The following NOX4 variants were observed in gnomAD, a reference collection of about 807,000 sequenced individuals.
The protein encoded by NOX4 is kidney oxidase-1.
In NOX4, 69 loss-of-function variants were observed where a neutral mutation model predicts 87.6. The observed-to-expected ratio is 0.79, with a 90% CI of 0.65 to 0.96. The LOEUF (loss-of-function observed/expected upper bound fraction) is 0.96, where lower values mean the gene tolerates loss of function less well. Among genes scored for constraint, NOX4 ranks in the 40% least tolerant of loss-of-function variants. The pLI is 0.00. For missense variants in NOX4, 680 were observed against 681.5 expected (o/e 1.00, Z 0.02); for synonymous variants, 275 against 238.2 (o/e 1.15, Z -1.42).
At chr11:89,457,346 C>T (rs1945253023) in intron 2 of NOX4, among the ~76,000 whole-genome samples, 1 of 152,214 alleles carries the variant, frequency 6.6e-6, no homozygotes. Context: ...TCTGCCACCG[C>T]CCTGCACCAG....
chr11:89,395,423 A>C (rs191555144), intron 11 of NOX4, among the ~76,000 whole-genome samples: 375 of 152,244 alleles, frequency 2.5e-3, no homozygotes, highest in African/African-American at 8.9e-3. Context: ...AGATTGGTAG[A>C]TTGCAAAAAT....
chr11:89,403,709 C>T (rs775638006), intron 8 of NOX4, among the ~76,000 whole-genome samples: 3 of 152,132 alleles, frequency 2.0e-5, no homozygotes, highest in Non-Finnish European at 4.4e-5. Flanking sequence ...CACCATTGCA[C>T]TCCAGCCTGG....
At chr11:89,345,110 T>C (rs1218563400) in intron 13 of NOX4, among the ~76,000 whole-genome samples, 1 of 152,128 alleles carries the variant, frequency 6.6e-6, no homozygotes, top group Non-Finnish European at 1.5e-5. Flanking sequence ...GGTTCTCCCT[T>C]GATAGCTTTC....
chr11:89,439,551 A>C (rs1485080373), intron 6 of NOX4, among the ~76,000 whole-genome samples: 1 of 152,186 alleles, frequency 6.6e-6, no homozygotes, highest in Non-Finnish European at 1.5e-5. Context: ...TGCATTTGCC[A>C]GGGTAATGTG....
At chr11:89,438,637 T>C (rs1229031529) in intron 6 of NOX4, among the ~76,000 whole-genome samples, 1 of 81,102 alleles carries the variant, frequency 1.2e-5, no homozygotes, top group African/African-American at 5.1e-5. Flanking sequence ...ATATACTATA[T>C]ATAATACTCT....
chr11:89,564,129 T>C, the NOX4 span, among the ~76,000 whole-genome samples: 1 of 152,268 alleles, frequency 6.6e-6, no homozygotes, highest in East Asian at 1.9e-4. Context: ...TATGATAGAA[T>C]GCACCGCATG....
the NOX4 span, among the ~76,000 whole-genome samples, chr11:89,509,827 T>C: frequency 6.6e-6 from 1 of 151,954 alleles, no homozygotes; most frequent in African/African-American, 2.4e-5. Context: ...TGTCCACTGA[T>C]TGTAATCAAC....
In NOX4 at chr11:89,387,569, T is replaced by C. The variant is rs145030386; in HGVS notation, c.1074+12448A>G. Reference sequence around the variant, plus strand: ...AGGGACGCATGTGACAGTTTGTTCCTGAATAAAAATAATAACAGAAGAATA... The same window carrying C: ...AGGGACGCATGTGACAGTTTGTTCCCGAATAAAAATAATAACAGAAGAATA... On this transcript the variant is annotated intron_variant, in intron 11 of 17. Coordinates refer to ENST00000263317, the MANE Select transcript of NOX4 (RefSeq NM_016931.5). Among the ~76,000 whole-genome samples the C allele has an allele frequency of 6.8e-4, 104 of 152,260 alleles. 1 individual carries two copies. In the East Asian group the frequency reaches 0.016, roughly 23 times the overall value.
the NOX4 span, among the ~76,000 whole-genome samples, chr11:89,559,598 C>G: frequency 6.6e-6 from 1 of 152,014 alleles, no homozygotes; most frequent in Non-Finnish European, 1.5e-5. Context: ...TGCAAATAAT[C>G]TAAAGAGTAT....
At chr11:89,371,997 T>A (rs1939480848) in intron 12 of NOX4, among the ~76,000 whole-genome samples, 1 of 152,030 alleles carries the variant, frequency 6.6e-6, no homozygotes, top group East Asian at 1.9e-4. Context: ...CAATATTATT[T>A]TTTTTAACTC....
chr11:89,395,979 C>A (rs1941456709), intron 11 of NOX4, among the ~76,000 whole-genome samples: 1 of 152,152 alleles, frequency 6.6e-6, no homozygotes, highest in African/African-American at 2.4e-5. Flanking sequence ...ATTGTCTTGG[C>A]AATACAGGCT....
At chr11:89,441,180 G>T (rs1031710119) in intron 5 of NOX4, among the ~76,000 whole-genome samples, 3 of 152,154 alleles carry the variant, frequency 2.0e-5, no homozygotes, top group African/African-American at 7.2e-5. Flanking sequence ...GTACGAAGAA[G>T]ACTAATTGAG....
At chr11:89,367,220 T>C (rs927103220) in intron 12 of NOX4, among the ~76,000 whole-genome samples, 6 of 152,184 alleles carry the variant, frequency 3.9e-5, no homozygotes, top group African/African-American at 1.2e-4. Context: ...ATCCTCATCC[T>C]GACACAGATC....
chr11:89,516,090 A>G, the NOX4 span, among the ~76,000 whole-genome samples: 35 of 151,958 alleles, frequency 2.3e-4, no homozygotes, highest in South Asian at 7.3e-3. Context: ...AATGTTCTTT[A>G]TTAATTTCTT....
At chr11:89,471,863 T>A (rs993813082) in intron 2 of NOX4, among the ~76,000 whole-genome samples, 1 of 152,202 alleles carries the variant, frequency 6.6e-6, no homozygotes, top group African/African-American at 2.4e-5. Flanking sequence ...TGCCTCAGCC[T>A]ACTGAGTAAC....
intron 12 of NOX4, among the ~76,000 whole-genome samples, chr11:89,358,141 T>G (rs1237151806): frequency 6.6e-6 from 1 of 151,894 alleles, no homozygotes; most frequent in East Asian, 1.9e-4. Context: ...TCCCAGCACT[T>G]TGGGAGGCTG....
intron 8 of NOX4, among the ~76,000 whole-genome samples, chr11:89,410,301 T>A (rs1432769058): frequency 6.6e-6 from 1 of 152,192 alleles, no homozygotes; most frequent in Non-Finnish European, 1.5e-5. Context: ...CAAGTTATAG[T>A]TAAACAAATT....
At chr11:89,450,321 A>G (rs1944902093) in intron 3 of NOX4, among the ~76,000 whole-genome samples, 1 of 152,206 alleles carries the variant, frequency 6.6e-6, no homozygotes, top group South Asian at 2.1e-4. Context: ...GTAAATCTGC[A>G]CACATTAAAT....
chr11:89,558,938 C>G, the NOX4 span, among the ~76,000 whole-genome samples: 1 of 152,034 alleles, frequency 6.6e-6, no homozygotes, highest in Non-Finnish European at 1.5e-5. Context: ...GGAATTAACA[C>G]TCTCAATTTT....
Sources: allele counts gnomAD v4.1 joint callset (sites outside exome capture counted in the v4.1 genomes callset), GRCh38; gene constraint gnomAD v4.1.1; transcripts MANE v1.5; gene names NCBI Gene and HGNC (gene_info 2026-07-23, HGNC 2026-07-21).